The following TJP1 variants were observed in gnomAD, a reference collection of about 807,000 sequenced individuals.
TJP1 encodes tight junction protein 1.
In TJP1, 43 loss-of-function variants were observed where a neutral mutation model predicts 194.2. The ratio of observed to expected loss-of-function variants is 0.22; its 90% CI spans 0.17 to 0.29. The LOEUF is 0.29. Among genes scored for constraint, TJP1 ranks in the 10% least tolerant of loss-of-function variants. The pLI is 1.00. For synonymous variants in TJP1, 801 were observed against 779.0 expected (o/e 1.03, Z -0.47); for missense variants, 1,971 against 2,185.7 (o/e 0.90, Z 1.96).
chr15:29,774,465 A>G (rs1281484190), intron 2 of TJP1, among the ~76,000 whole-genome samples: 1 of 152,216 alleles, frequency 6.6e-6, no homozygotes, highest in Non-Finnish European at 1.5e-5. Context: ...ACATGAATCA[A>G]CCTTGAAAAC....
upstream of TJP1, among the ~76,000 whole-genome samples, chr15:29,827,041 A>T (rs2050697807): frequency 1.3e-5 from 2 of 152,006 alleles, no homozygotes; most frequent in Admixed American, 6.6e-5. Flanking sequence ...GCTGAAAGGG[A>T]TCCAAGCAAG....
At chr15:29,700,051 A>T (rs1189864484), downstream of TJP1, 1 of 372,276 alleles carries the variant, frequency 2.7e-6, no homozygotes, top group Admixed American at 4.6e-5. Flanking sequence ...ACGAGGTGGT[A>T]GGTGACGCTG....
At chr15:29,763,951 C>G (rs2046171807) in intron 5 of TJP1, among the ~76,000 whole-genome samples, 1 of 152,072 alleles carries the variant, frequency 6.6e-6, no homozygotes, top group Non-Finnish European at 1.5e-5. Context: ...GGTTAAAAGA[C>G]TGTTCTTCAA....
intron 2 of TJP1, among the ~76,000 whole-genome samples, chr15:29,792,515 T>G (rs1247972978): frequency 1.3e-5 from 2 of 152,218 alleles, no homozygotes; most frequent in Admixed American, 6.5e-5. Context: ...TCACATAATG[T>G]ATGTAATGTG....
chr15:29,851,131 C>G (rs1171413292), intron 2 of TJP1, among the ~76,000 whole-genome samples: 1 of 151,844 alleles, frequency 6.6e-6, no homozygotes, highest in African/African-American at 2.4e-5. Context: ...GAGTGAGACT[C>G]TGCCTCAAAA....
In TJP1 at chr15:29,846,475, AG is replaced by A. The variant is rs143221614; in HGVS notation, c.307-45774del. On this transcript the variant is annotated intron_variant, in intron 2 of 28. Transcript: ENST00000356107. ...ATATCAGGGAGTTACACACAAGAGA[AG>A]GGAGACCTGGATAAAAGGGGGAAAT... Among the ~76,000 whole-genome samples, 433 of 152,256 alleles carry A rather than the reference AG, an allele frequency of 2.8e-3. 3 individuals are homozygous for A. Among genetic ancestry groups the A allele is most frequent in the African/African-American group, 9.8e-3 (406 of 41,540 alleles).
chr15:29,835,486 T>G (rs556573689), intron 2 of TJP1, among the ~76,000 whole-genome samples: 10 of 152,106 alleles, frequency 6.6e-5, no homozygotes, highest in Non-Finnish European at 1.5e-4. Flanking sequence ...ATATCCTGAA[T>G]GCAGCAAGGA....
chr15:29,957,497 A>AT lies in TJP1; in HGVS notation c.174-1134dup, dbSNP rs577525521. On this transcript the variant is annotated intron_variant, in intron 1 of 28. Coordinates refer to the TJP1 transcript ENST00000356107. ...TACAGATGTGTTTATTTCCTTTTCA[A>AT]TTTTTTTACCAAATTGTGTGTATTG... Among the ~76,000 whole-genome samples, 190 of 152,158 alleles carry AT rather than the reference A, an allele frequency of 1.2e-3. 1 individual carries two copies. The Middle Eastern group carries it at 0.02, about 16-fold the overall frequency.
chr15:29,822,520 G>A (rs2050480302), upstream of TJP1: 19 of 984,058 alleles, frequency 1.9e-5, no homozygotes, highest in Non-Finnish European at 2.3e-5. Context: ...CGGGGGCGGG[G>A]CTGGACGAGG....
intron 2 of TJP1, among the ~76,000 whole-genome samples, chr15:29,916,602 G>A (rs1417581598): frequency 1.3e-5 from 2 of 152,158 alleles, no homozygotes; most frequent in African/African-American, 2.4e-5. Context: ...AAACGTTGTT[G>A]CACAAACACA....
chr15:29,787,862 T>C (rs1467580625), intron 2 of TJP1, among the ~76,000 whole-genome samples: 1 of 152,218 alleles, frequency 6.6e-6, no homozygotes, highest in African/African-American at 2.4e-5. Flanking sequence ...GGAATTGCTA[T>C]GTCCCATAAT....
chr15:29,910,355 G>A (rs1389261738), intron 2 of TJP1, among the ~76,000 whole-genome samples: 1 of 152,092 alleles, frequency 6.6e-6, no homozygotes, highest in Non-Finnish European at 1.5e-5. Context: ...CTCCACCCAA[G>A]TTCATTGCTA....
chr15:29,949,339 C>T, intron 2 of TJP1, among the ~76,000 whole-genome samples: 1 of 137,638 alleles, frequency 7.3e-6, no homozygotes, highest in Non-Finnish European at 1.6e-5. Flanking sequence ...CCTCCACCAC[C>T]TCCACCACCA....
chr15:29,708,840 T>G lies in TJP1; in HGVS notation c.4569A>C (p.Ala1523=). Residue 1523 remains alanine, a synonymous_variant, in exon 25 of 28, where the codon GCA becomes GCC. Coordinates refer to ENST00000614355, the MANE Select transcript of TJP1 (RefSeq NM_001330239.4). The part of the protein sequence containing the change: ...TEQTQKTVTP[A]YNRFTPKPYT... ...ATGGTTTTGGTGTGAATCGATTGTA[T>G]GCTGGAGTGACTGTTTTCTGAGTCT... The G allele has an allele frequency of 6.2e-7, 1 of 1,614,202 alleles. No individual in the cohort carries two copies. The highest frequency in any genetic ancestry group is 8.5e-7 in the Non-Finnish European group (1 of 1,180,030).
intron 2 of TJP1, among the ~76,000 whole-genome samples, chr15:29,796,305 C>T (rs967851395): frequency 4.0e-5 from 6 of 149,952 alleles, no homozygotes; most frequent in African/African-American, 1.5e-4. Context: ...AAGAAAGTTC[C>T]TACAACTAGT....
chr15:29,726,159 T>C (rs958042934), intron 18 of TJP1, among the ~76,000 whole-genome samples: 6 of 152,336 alleles, frequency 3.9e-5, no homozygotes, highest in African/African-American at 1.2e-4. Flanking sequence ...ACAATCCTAC[T>C]GCAGTGGTAA....
chr15:29,858,194 A>C (rs1319556198), intron 2 of TJP1, among the ~76,000 whole-genome samples: 5 of 152,130 alleles, frequency 3.3e-5, no homozygotes, highest in Admixed American at 3.3e-4. Context: ...TGAGCTCATG[A>C]GTTCGAGACC....
intron 23 of TJP1, among the ~76,000 whole-genome samples, chr15:29,712,625 C>T (rs866245373): frequency 6.6e-6 from 1 of 152,104 alleles, no homozygotes; most frequent in Non-Finnish European, 1.5e-5. Context: ...AGTTATGTCC[C>T]GTCTGCTGGC....
At chr15:29,777,899 C>T (rs576876647) in intron 2 of TJP1, among the ~76,000 whole-genome samples, 1 of 152,034 alleles carries the variant, frequency 6.6e-6, no homozygotes, top group East Asian at 1.9e-4. Flanking sequence ...CTTTTTTTCT[C>T]CTTCAAAGAA....
Sources: gnomAD v4.1 joint callset for allele counts (sites outside exome capture counted in the v4.1 genomes callset) on GRCh38, gnomAD v4.1.1 for gene constraint, MANE v1.5 for transcripts, NCBI Gene and HGNC (gene_info 2026-07-23, HGNC 2026-07-21) for gene names.